Variants in HEATR6 observed in about 807,000 individuals in gnomAD.
The protein encoded by HEATR6 is HEAT repeat containing 6, also known as HEAT repeat-containing protein 6.
A neutral mutation model predicts 132.8 loss-of-function variants in HEATR6; 106 were observed. The observed-to-expected ratio is 0.80, with a 90% confidence interval of 0.68 to 0.94. HEATR6 has a LOEUF of 0.94. HEATR6 is among the 40% of genes least tolerant of loss of function. The pLI is 0.00. For missense variants in HEATR6, 1,339 were observed against 1,425.1 expected, an observed-to-expected ratio of 0.94 and a Z score of 0.97; for synonymous variants, 529 against 537.8, an observed-to-expected ratio of 0.98 and a Z score of 0.23.
intron 6 of HEATR6, 22 bp from the exon 7 acceptor site, chr17:60,069,870 A>T (rs759858038): frequency 1.7e-5 from 28 of 1,603,878 alleles, no homozygotes; most frequent in Non-Finnish European, 8.5e-7. Flanking sequence ...GAATAAGGAC[A>T]CACACACACA....
In HEATR6 at chr17:60,057,044, C is replaced by A. The variant is rs1353612709; in HGVS notation, c.2079+4G>T. 1.9e-6 allele frequency: 3 copies of A among 1,567,046 alleles called. No individual in the cohort carries two copies. Among genetic ancestry groups the A allele is most frequent in the East Asian group, 2.3e-5 (1 of 44,384 alleles). On this transcript the variant is annotated splice_donor_region_variant and intron_variant, in intron 12 of 19. Transcript: ENST00000184956. ...TTCAGAGATGAGGAAATGAAATCTCCTACCTGTAAGGCCTCCAGTCGCATG... is the reference window on the plus strand; with the variant it reads ...TTCAGAGATGAGGAAATGAAATCTCATACCTGTAAGGCCTCCAGTCGCATG...
chr17:60,073,934 T>C (rs1305678112), intron 2 of HEATR6, 48 bp from the exon 3 acceptor site: 2 of 1,584,330 alleles, frequency 1.3e-6, no homozygotes, highest in African/African-American at 1.4e-5. Flanking sequence ...TTAAAAAATA[T>C]TATGCTTTTA....
intron 14 of HEATR6, among the ~76,000 whole-genome samples, chr17:60,051,777 C>T (rs927222361): frequency 6.6e-6 from 1 of 152,148 alleles, no homozygotes. Context: ...GTATGTCATG[C>T]ACCAGTTCTG....
At chr17:60,059,859 C>T in intron 10 of HEATR6, 31 bp downstream of exon 10, 1 of 1,530,056 alleles carries the variant, frequency 6.5e-7, no homozygotes, top group African/African-American at 1.4e-5. Context: ...AACAGAGAAG[C>T]CTGCTCTGGA....
chr17:60,066,142 G>A, intron 9 of HEATR6, 67 bp downstream of exon 9: 1 of 1,314,946 alleles, frequency 7.6e-7, no homozygotes, highest in Middle Eastern at 1.9e-4. Context: ...GGATAAGGCA[G>A]AGATAACAAT....
intron 2 of HEATR6, among the ~76,000 whole-genome samples, chr17:60,074,344 A>G (rs2083286677): frequency 6.6e-6 from 1 of 152,224 alleles, no homozygotes; most frequent in South Asian, 2.1e-4. Flanking sequence ...GGAGCTGATA[A>G]TCTTGTTGGG....
rs200108615 is a variant in HEATR6 at position 60,066,237 on chromosome 17, G to A, written c.1388C>T (p.Thr463Ile). ...LGSPQSVSLM[T>I]LTLKDPSPKT... is the part of the protein sequence containing the mutation. ...TGGAGAAGGGTCTTTCAATGTAAGA[G>A]TCATCAAGGACACTGACTGTGGGCT... The change falls in exon 9 of 20, where the codon ACT becomes ATT. Residue 463 changes from threonine (T) to isoleucine (I), a missense_variant. Physicochemically the swap from Thr to Ile is moderately conservative, Grantham distance 89. Transcript: ENST00000184956. The A allele has an allele frequency of 1.2e-6, 2 of 1,613,782 alleles. No individual in the cohort carries two copies. Among genetic ancestry groups the A allele is most frequent in the African/African-American group, 1.3e-5 (1 of 74,896 alleles).
At chr17:60,057,655 A>G (rs1032259071) in intron 11 of HEATR6, among the ~76,000 whole-genome samples, 13 of 152,222 alleles carry the variant, frequency 8.5e-5, no homozygotes, top group Admixed American at 1.3e-4. Flanking sequence ...TTCACATTCT[A>G]TAAGACAATT....
In HEATR6 at chr17:60,045,105, C is replaced by T. The variant is rs762828326; in HGVS notation, c.2974+920G>A. Reference sequence around the variant, plus strand: ...TACAGGAAGGCTGGTAGGAGCCAACCACCACTGAGGTGCCCTGGTTTCAAG... The same window carrying T: ...TACAGGAAGGCTGGTAGGAGCCAACTACCACTGAGGTGCCCTGGTTTCAAG... On this transcript the variant is annotated intron_variant, in intron 19 of 19. Transcript: ENST00000184956. Among the ~76,000 whole-genome samples, 33 of 152,178 alleles carry T rather than the reference C, an allele frequency of 2.2e-4. 1 individual carries two copies. Among genetic ancestry groups the T allele is most frequent in the Non-Finnish European group, 4.6e-4 (31 of 68,022 alleles).
At chr17:60,073,410 G>A (rs1333201287) in intron 3 of HEATR6, 131 bp from the exon 4 acceptor site, 1 of 627,468 alleles carries the variant, frequency 1.6e-6, no homozygotes, top group East Asian at 2.7e-5. Flanking sequence ...TTAGATAAAT[G>A]TCTCCGATGG....
chr17:60,043,911 G>C lies in HEATR6; in HGVS notation c.3198C>G (p.Val1066=). The change falls in exon 20 of 20, where the codon GTC becomes GTG. Residue 1066 remains valine, a synonymous_variant. Coordinates refer to ENST00000184956, the MANE Select transcript of HEATR6 (RefSeq NM_022070.5). The part of the protein sequence containing the change: ...TIDFLEFKYC[V]SLRTQICQAL... ...CCTGGCAGATTTGGGTCCGTAGGCT[G>C]ACACAGTACTTGAATTCCAAAAAGT... The C allele has an allele frequency of 6.2e-7, 1 of 1,614,136 alleles. No individual in the cohort carries two copies. Among genetic ancestry groups the C allele is most frequent in the South Asian group, 1.1e-5 (1 of 91,082 alleles).
At chr17:60,065,218 A>AT (rs765575556) in intron 9 of HEATR6, among the ~76,000 whole-genome samples, 1 of 152,108 alleles carries the variant, frequency 6.6e-6, no homozygotes, top group African/African-American at 2.4e-5. Flanking sequence ...CCCACAAGTC[A>AT]TTTTTTTGCG....
rs1188052891 is a variant in HEATR6 at position 60,043,695 on chromosome 17, G to A, written c.3414C>T (p.His1138=). ...CAGTTGGTGCCTGGATGCTGCCCAT[G>A]TGTTTAAGGGCCATTCTGACCATCT... ...RDQMVRMALK[H]MGSIQAPTGD... is the part of the protein sequence containing the mutation. Residue 1138 remains histidine, a synonymous_variant, in exon 20 of 20, where the codon CAC becomes CAT. Transcript: ENST00000184956. The A allele has an allele frequency of 1.2e-6, 2 of 1,614,176 alleles. No homozygotes were observed. The highest frequency in any genetic ancestry group is 1.7e-6 in the Non-Finnish European group (2 of 1,180,026).
At chr17:60,058,394 A>T (rs568448411) in intron 11 of HEATR6, among the ~76,000 whole-genome samples, 2 of 152,368 alleles carry the variant, frequency 1.3e-5, no homozygotes, top group South Asian at 4.1e-4. Context: ...TTGAGGATAA[A>T]GTCAGATACT....
In HEATR6 at chr17:60,043,543, T is replaced by G; in HGVS notation, c.*20A>C. On this transcript the variant is annotated 3_prime_UTR_variant, in exon 20 of 20. Transcript: ENST00000184956. ...TCTTCCTACTGCCGCCTTCGACATC[T>G]AGAAAGTATGGTGGGATCTTCACTG... 1 of 1,585,522 alleles carries G rather than the reference T, an allele frequency of 6.3e-7. No homozygotes were observed. Among genetic ancestry groups the G allele is most frequent in the Admixed American group, 1.7e-5 (1 of 57,514 alleles).
intron 11 of HEATR6, 76 bp downstream of exon 11, chr17:60,059,346 C>T: frequency 1.2e-6 from 1 of 801,420 alleles, no homozygotes; most frequent in Non-Finnish European, 2.1e-6. Context: ...ATACATATAT[C>T]TATATCTGTA....
Position 60,043,379 on chromosome 17 carries a change from C to T in HEATR6, c.*184G>A. ...ATGTTCCAACAACCCTGACCATGGC[C>T]AGTGCTATGGAGTCACTCCAAAGGT... On this transcript the variant is annotated 3_prime_UTR_variant, in exon 20 of 20. Coordinates refer to ENST00000184956, the MANE Select transcript of HEATR6 (RefSeq NM_022070.5). The T allele has an allele frequency of 5.1e-6, 3 of 592,324 alleles. No individual in the cohort carries two copies. The highest frequency in any genetic ancestry group is 8.9e-6 in the Non-Finnish European group (3 of 336,806). 36.7% of individuals were successfully genotyped at this position (592,324 alleles called of 1,614,324 possible). A position where few individuals can be genotyped will look rare whatever the true frequency, so the allele number is the denominator to read the frequency against.
At chr17:60,049,851 G>A (rs190426639) in intron 15 of HEATR6, 149 bp from the exon 16 acceptor site, 6 of 784,182 alleles carry the variant, frequency 7.7e-6, no homozygotes, top group African/African-American at 5.2e-5. Context: ...TAAAAAGCAG[G>A]TTCAATTCAG....
At chr17:60,070,828 C>T (rs1035831681) in intron 5 of HEATR6, 21 bp from the exon 6 acceptor site, 1 of 1,267,990 alleles carries the variant, frequency 7.9e-7, no homozygotes, top group Admixed American at 1.7e-5. Context: ...AAGGGAGACC[C>T]AGTTAGAAGG....
Sources: allele counts gnomAD v4.1 joint callset (sites outside exome capture counted in the v4.1 genomes callset), GRCh38; gene constraint gnomAD v4.1.1; transcripts MANE v1.5; gene names NCBI Gene and HGNC (gene_info 2026-07-23, HGNC 2026-07-21).